Variants in NCK2 observed in about 807,000 individuals in gnomAD.
NCK2 encodes the protein NCK adaptor protein 2.
NCK2 carries 16 observed loss-of-function variants against 33.9 expected under a neutral mutation model. That is an observed-to-expected ratio of 0.47 (90% confidence interval 0.32 to 0.72). The LOEUF (loss-of-function observed/expected upper bound fraction) is 0.72, where lower values mean the gene tolerates loss of function less well. NCK2 is among the 30% of genes least tolerant of loss of function. The probability of loss-of-function intolerance (pLI) is 0.03; values close to 1 mark genes in which losing one functional copy is unlikely to be tolerated. For synonymous variants in NCK2, 273 were observed against 239.9 expected (o/e 1.14, Z -1.27); for missense variants, 418 against 537.3 (o/e 0.78, Z 2.19).
intron 1 of NCK2, among the ~76,000 whole-genome samples, chr2:105,751,230 C>A (rs552139455): frequency 1.4e-4 from 22 of 152,362 alleles, no homozygotes; most frequent in African/African-American, 4.8e-4. Context: ...CACCGACTCA[C>A]TCGGTTATCC....
At chr2:105,823,043 CG>C (rs1372728839) in intron 2 of NCK2, among the ~76,000 whole-genome samples, 2 of 151,836 alleles carry the variant, frequency 1.3e-5, no homozygotes, top group Admixed American at 1.3e-4. Context: ...TTGAAATGAG[CG>C]CATTGCTGCA....
chr2:105,875,745 A>C (rs10185551), intron 3 of NCK2, among the ~76,000 whole-genome samples: 47,852 of 152,094 alleles, frequency 0.31, 7,938 homozygotes, highest in South Asian at 0.43. Flanking sequence ...GAATGGTGAG[A>C]AATAAATGTC....
intron 1 of NCK2, among the ~76,000 whole-genome samples, chr2:105,768,589 A>G (rs929314898): frequency 1.3e-5 from 2 of 152,236 alleles, no homozygotes; most frequent in African/African-American, 4.8e-5. Context: ...CTATAAAGCT[A>G]GGTTGTCCAA....
At chr2:105,851,332 C>T (rs1392912286) in intron 2 of NCK2, among the ~76,000 whole-genome samples, 1 of 151,366 alleles carries the variant, frequency 6.6e-6, no homozygotes, top group Non-Finnish European at 1.5e-5. Flanking sequence ...GGCGCGATCT[C>T]GGCTCACTGC....
At chr2:105,803,835 G>T (rs1368543189) in intron 1 of NCK2, among the ~76,000 whole-genome samples, 2 of 152,138 alleles carry the variant, frequency 1.3e-5, no homozygotes, top group African/African-American at 4.8e-5. Context: ...AATTAAGTAG[G>T]TCTCAGGTAG....
chr2:105,868,316 C>T (rs1015236860), intron 3 of NCK2, among the ~76,000 whole-genome samples: 3 of 152,176 alleles, frequency 2.0e-5, no homozygotes, highest in African/African-American at 7.2e-5. Context: ...AGATTTTGGG[C>T]ACGCACTCAG....
chr2:105,780,381 A>G (rs1021589951), intron 1 of NCK2, among the ~76,000 whole-genome samples: 9 of 151,976 alleles, frequency 5.9e-5, no homozygotes, highest in African/African-American at 1.9e-4. Context: ...TAAAGGACAC[A>G]CACACATACT....
At chr2:105,797,084 T>G (rs1691104734) in intron 1 of NCK2, among the ~76,000 whole-genome samples, 1 of 152,126 alleles carries the variant, frequency 6.6e-6, no homozygotes, top group South Asian at 2.1e-4. Flanking sequence ...ACATAAAAAT[T>G]TATTATCCTT....
chr2:105,827,882 T>C (rs12997041), intron 2 of NCK2, among the ~76,000 whole-genome samples: 31,187 of 152,132 alleles, frequency 0.2, 3,779 homozygotes, highest in East Asian at 0.33. Flanking sequence ...GAAATAGTCT[T>C]GATTGGCATG....
chr2:105,746,694 G>A (rs1226848965), intron 1 of NCK2, among the ~76,000 whole-genome samples: 1 of 152,182 alleles, frequency 6.6e-6, no homozygotes, highest in Non-Finnish European at 1.5e-5. Context: ...TTGACGTTTG[G>A]AACAGGGGTT....
chr2:105,846,873 A>G (rs571919539), intron 2 of NCK2: 3 of 152,374 alleles, frequency 2.0e-5, no homozygotes, highest in South Asian at 4.1e-4. Context: ...TTGCATACTC[A>G]TGTTCATAGC....
At chr2:105,787,377 C>T (rs532391569) in intron 1 of NCK2, among the ~76,000 whole-genome samples, 6 of 152,204 alleles carry the variant, frequency 3.9e-5, no homozygotes, top group South Asian at 4.1e-4. Flanking sequence ...GGAGATGAGC[C>T]CTCTGAGGAA....
chr2:105,854,859 C>CTGTTTTATAAGGT (rs1677196823), intron 2 of NCK2, 189 bp from the exon 3 acceptor site: 2 of 533,592 alleles, frequency 3.7e-6, no homozygotes, highest in Non-Finnish European at 6.8e-6. Context: ...TATAAGGTTG[C>CTGTTTTATAAGGT]TGTTTCTAAA....
chr2:105,780,192 T>A (rs1169291639), intron 1 of NCK2, among the ~76,000 whole-genome samples: 9 of 152,192 alleles, frequency 5.9e-5, no homozygotes, highest in Admixed American at 3.9e-4. Context: ...GTAGAATATT[T>A]GGAAGGTTTT....
rs557371999 is a variant in NCK2, at chr2:105,828,446, T to G, written c.-17+11833T>G. Among the ~76,000 whole-genome samples, 57 of 152,304 alleles carry G rather than the reference T, an allele frequency of 3.7e-4. 1 individual carries two copies. The South Asian group carries it at 0.011, about 30-fold the overall frequency. On this transcript the variant is annotated intron_variant, in intron 2 of 4. Transcript: ENST00000233154. ...GCACTGACCACAAGAATACTACAAT[T>G]AAAGCCCCATGACAGCACACTCACC...
At chr2:105,774,391 C>G (rs1690237889) in intron 1 of NCK2, among the ~76,000 whole-genome samples, 1 of 152,092 alleles carries the variant, frequency 6.6e-6, no homozygotes, top group African/African-American at 2.4e-5. Context: ...CTTAACTTGG[C>G]TGTGTGATGA....
chr2:105,836,551 A>G (rs1002754329), intron 2 of NCK2, among the ~76,000 whole-genome samples: 2 of 152,180 alleles, frequency 1.3e-5, no homozygotes, highest in African/African-American at 2.4e-5. Flanking sequence ...TGGTGGAGGT[A>G]GTAGCAGGCC....
At chr2:105,851,265 C>CTT (rs775114112) in intron 2 of NCK2, among the ~76,000 whole-genome samples, 13 of 144,392 alleles carry the variant, frequency 9.0e-5, no homozygotes, top group Admixed American at 1.4e-4. Flanking sequence ...CAGAGCTGAG[C>CTT]TTTTTTTTTT....
At chr2:105,800,408 T>G (rs985282109) in intron 1 of NCK2, among the ~76,000 whole-genome samples, 3 of 152,224 alleles carry the variant, frequency 2.0e-5, no homozygotes, top group African/African-American at 4.8e-5. Flanking sequence ...GGTAAATGAT[T>G]GCCATTAGCA....
Sources: allele counts gnomAD v4.1 joint callset (sites outside exome capture counted in the v4.1 genomes callset), GRCh38; gene constraint gnomAD v4.1.1; transcripts MANE v1.5; gene names NCBI Gene and HGNC (gene_info 2026-07-23, HGNC 2026-07-21).